Variants in ZC2HC1B observed in about 807,000 individuals in gnomAD.
ZC2HC1B encodes zinc finger C2HC-type containing 1B, also known as zinc finger C2HC domain-containing protein 1B.
Under a neutral mutation model 31.0 loss-of-function variants are expected in ZC2HC1B, and 36 were observed. The observed-to-expected ratio is 1.16, with a 90% confidence interval of 0.89 to 1.54. The LOEUF is 1.54. Ranked by LOEUF, ZC2HC1B falls within the 40% of genes most tolerant of loss-of-function variation. The pLI is 0.00. For synonymous variants in ZC2HC1B, 73 were observed against 88.0 expected, an observed-to-expected ratio of 0.83 and a Z score of 0.95; for missense variants, 260 against 268.6, an observed-to-expected ratio of 0.97 and a Z score of 0.22.
rs1187536735 is a variant in ZC2HC1B at position 143,917,659 on chromosome 6, G to A, written c.598+14507G>A. ...TGCTCCAACATCTGAAACTTTTTGA[G>A]CACTGACATGACATGCAATTGATTT... On this transcript the variant is annotated intron_variant, in intron 6 of 7. Coordinates refer to ENST00000237275, the MANE Select transcript of ZC2HC1B (RefSeq NM_001013623.3). This position sits in a 1 kb window ranked among gnomAD's most constrained non-coding sequence, Gnocchi z 4.1. Among the ~76,000 whole-genome samples the A allele has an allele frequency of 2.6e-5, 4 of 152,088 alleles. No individual in the cohort carries two copies. Among genetic ancestry groups the A allele is most frequent in the Non-Finnish European group, 4.4e-5 (3 of 68,036 alleles).
chr6:143,873,756 C>T (rs1777373772), intron 1 of ZC2HC1B, among the ~76,000 whole-genome samples: 1 of 152,240 alleles, frequency 6.6e-6, no homozygotes, highest in African/African-American at 2.4e-5. Context: ...CACAGGGCAC[C>T]AAGTCCCTAG....
At chr6:143,925,536 C>CTTTTTTT (rs36007959) in intron 6 of ZC2HC1B, among the ~76,000 whole-genome samples, 3 of 104,958 alleles carry the variant, frequency 2.9e-5, no homozygotes, top group African/African-American at 1.1e-4. Context: ...CTTTTCTTTT[C>CTTTTTTT]TTTTTTTTTT....
At chr6:143,928,469 A>G (rs930809978) in intron 6 of ZC2HC1B, among the ~76,000 whole-genome samples, 2 of 152,150 alleles carry the variant, frequency 1.3e-5, no homozygotes, top group Admixed American at 6.5e-5. Context: ...CTGTTGATCT[A>G]TATGTCTATG....
In ZC2HC1B at chr6:143,870,100, A is replaced by G. The variant is rs6922235; in HGVS notation, c.28+5533A>G. On this transcript the variant is annotated intron_variant, in intron 1 of 7. Coordinates refer to ENST00000237275, the MANE Select transcript of ZC2HC1B (RefSeq NM_001013623.3). This position sits in a 1 kb window ranked among gnomAD's most constrained non-coding sequence, Gnocchi z 4.7. Reference sequence around the variant, plus strand: ...CCAATTTTCCAATCATGCTTCTTCCAAGTCCCTGACTATCCAGCCAAACTA... The same window carrying G: ...CCAATTTTCCAATCATGCTTCTTCCGAGTCCCTGACTATCCAGCCAAACTA... Among the ~76,000 whole-genome samples the G allele has an allele frequency of 0.02, 3,059 of 152,276 alleles. 124 individuals carry two copies. The highest frequency in any genetic ancestry group is 0.071 in the African/African-American group (2,948 of 41,530).
At position 143,886,546 on chromosome 6, in the gene ZC2HC1B, A is replaced by G. The variant is rs555244725; in HGVS notation, c.211-137A>G. On this transcript the variant is annotated intron_variant, in intron 3 of 7. Coordinates refer to ENST00000237275, the MANE Select transcript of ZC2HC1B (RefSeq NM_001013623.3). This position sits in a 1 kb window ranked among gnomAD's most constrained non-coding sequence, Gnocchi z 4.2. ...TACTTTCCAAACCTCTTTAAGGAGT[A>G]CTTTTGAAAAACAAACTCTCCTTTT... 277 of 864,458 alleles carry G rather than the reference A, an allele frequency of 3.2e-4. No individual in the cohort carries two copies. Among genetic ancestry groups the G allele is most frequent in the Admixed American group, 8.8e-4 (22 of 25,064 alleles). 53.5% of individuals were successfully genotyped at this position (864,458 alleles called of 1,614,324 possible). A position where few individuals can be genotyped will look rare whatever the true frequency, so the allele number is the denominator to read the frequency against.
intron 1 of ZC2HC1B, chr6:143,881,888 T>C (rs563793227): frequency 1.4e-4 from 22 of 152,312 alleles, no homozygotes; most frequent in African/African-American, 4.8e-4. Flanking sequence ...ATCATTTGTA[T>C]CTGTCAGTAT....
rs1177961894 is a variant in ZC2HC1B, at chr6:143,885,475, T to A, written c.91-557T>A. Among the ~76,000 whole-genome samples the A allele has an allele frequency of 6.6e-6, 1 of 152,240 alleles. No individual in the cohort carries two copies. The highest frequency in any genetic ancestry group is 2.4e-5 in the African/African-American group (1 of 41,466). Reference sequence around the variant, plus strand: ...CTATGGAGGGCATTGATCAAATGATTTGATCTTTCTCTCTCCTTTAGCTTA... The same window carrying A: ...CTATGGAGGGCATTGATCAAATGATATGATCTTTCTCTCTCCTTTAGCTTA... On this transcript the variant is annotated intron_variant, in intron 2 of 7. Coordinates refer to ENST00000237275, the MANE Select transcript of ZC2HC1B (RefSeq NM_001013623.3). This position sits in a 1 kb window ranked among gnomAD's most constrained non-coding sequence, Gnocchi z 4.2.
chr6:143,882,250 G>C lies in ZC2HC1B; in HGVS notation c.29-2054G>C, dbSNP rs190954764. 3.3e-3 allele frequency among the ~76,000 whole-genome samples: 496 copies of C among 149,966 alleles called. 1 individual carries two copies. Among genetic ancestry groups the C allele is most frequent in the Non-Finnish European group, 5.4e-3 (367 of 67,738 alleles). On this transcript the variant is annotated intron_variant, in intron 1 of 7. Transcript: ENST00000237275. ...TTATCCTTCACTAGTGTTTTAGAAA[G>C]AGCAGCAGTAGTTTTATAATCAAGA...
chr6:143,930,575 G>A (rs925640612), intron 6 of ZC2HC1B, among the ~76,000 whole-genome samples: 1 of 151,788 alleles, frequency 6.6e-6, no homozygotes, highest in African/African-American at 2.4e-5. Flanking sequence ...ATTTTTAGTA[G>A]AGACGGGATT....
intron 4 of ZC2HC1B, among the ~76,000 whole-genome samples, chr6:143,890,338 T>C (rs1777584566): frequency 6.8e-6 from 1 of 147,556 alleles, no homozygotes; most frequent in Non-Finnish European, 1.5e-5. Flanking sequence ...TATGATCATC[T>C]CAATAGAGAA....
At chr6:143,866,074 C>G (rs1582946770) in intron 1 of ZC2HC1B, among the ~76,000 whole-genome samples, 1 of 152,320 alleles carries the variant, frequency 6.6e-6, no homozygotes, top group African/African-American at 2.4e-5. Flanking sequence ...CTCGGCCTCC[C>G]AAAGTGCTGG....
chr6:143,885,450 C>A lies in ZC2HC1B; in HGVS notation c.91-582C>A, dbSNP rs560983381. 1.3e-5 allele frequency among the ~76,000 whole-genome samples: 2 copies of A among 152,290 alleles called. No homozygotes were observed. The highest frequency in any genetic ancestry group is 4.1e-4 in the South Asian group (2 of 4,826). ...TTCATTTCCTAAGCCTATTTCTAGG[C>A]TATGGAGGGCATTGATCAAATGATT... On this transcript the variant is annotated intron_variant, in intron 2 of 7. Transcript: ENST00000237275. The surrounding 1 kb of genome is among the most constrained non-coding windows in gnomAD (Gnocchi z 4.2).
In ZC2HC1B at chr6:143,905,198, A is replaced by G. The variant is rs911910539; in HGVS notation, c.598+2046A>G. On this transcript the variant is annotated intron_variant, in intron 6 of 7. Transcript: ENST00000237275. This position sits in a 1 kb window ranked among gnomAD's most constrained non-coding sequence, Gnocchi z 4.2. Reference sequence around the variant, plus strand: ...CAATAGTAAGTTTTCAAATCCATGAACATGGAATATATTTCTGTTTATTTA... The same window carrying G: ...CAATAGTAAGTTTTCAAATCCATGAGCATGGAATATATTTCTGTTTATTTA... Among the ~76,000 whole-genome samples, 1 of 152,234 alleles carries G rather than the reference A, an allele frequency of 6.6e-6. No homozygotes were observed. Among genetic ancestry groups the G allele is most frequent in the Non-Finnish European group, 1.5e-5 (1 of 68,038 alleles).
In ZC2HC1B at chr6:143,918,205, G is replaced by A. The variant is rs922648512; in HGVS notation, c.598+15053G>A. On this transcript the variant is annotated intron_variant, in intron 6 of 7. Coordinates refer to ENST00000237275, the MANE Select transcript of ZC2HC1B (RefSeq NM_001013623.3). The surrounding 1 kb of genome is among the most constrained non-coding windows in gnomAD (Gnocchi z 4.1). Reference sequence around the variant, plus strand: ...GGTAAGAGACAGGATCTTACTTGTTGCCCAGGCTGAACTCAAGCTCCTGGG... The same window carrying A: ...GGTAAGAGACAGGATCTTACTTGTTACCCAGGCTGAACTCAAGCTCCTGGG... 6.6e-6 allele frequency among the ~76,000 whole-genome samples: 1 copy of A among 151,948 alleles called. No individual in the cohort carries two copies. The highest frequency in any genetic ancestry group is 1.5e-5 in the Non-Finnish European group (1 of 68,016).
chr6:143,919,530 T>C (rs764713347), intron 6 of ZC2HC1B, among the ~76,000 whole-genome samples: 1 of 152,148 alleles, frequency 6.6e-6, no homozygotes, highest in African/African-American at 2.4e-5. Flanking sequence ...ACAACAATGA[T>C]GGGAGGTACA....
At position 143,887,114 on chromosome 6, in the gene ZC2HC1B, A is replaced by G. The variant is rs1000182367; in HGVS notation, c.349+293A>G. Among the ~76,000 whole-genome samples, 19 of 151,574 alleles carry G rather than the reference A, an allele frequency of 1.3e-4. No homozygotes were observed. Among genetic ancestry groups the G allele is most frequent in the African/African-American group, 3.6e-4 (15 of 41,194 alleles). The stretch of plus-strand genomic sequence containing the variant: ...GGAGCTATGCAGAGCAAACTAACCA[A>G]CTCTGCAACAGCCCCATCGTGTCAG... On this transcript the variant is annotated intron_variant, in intron 4 of 7. Coordinates refer to ENST00000237275, the MANE Select transcript of ZC2HC1B (RefSeq NM_001013623.3). The surrounding 1 kb of genome is among the most constrained non-coding windows in gnomAD (Gnocchi z 5.1).
intron 6 of ZC2HC1B, among the ~76,000 whole-genome samples, chr6:143,928,762 A>G (rs1209380427): frequency 6.7e-6 from 1 of 149,038 alleles, no homozygotes; most frequent in African/African-American, 2.5e-5. Flanking sequence ...ACTCTCTTTC[A>G]TCAGTATTTT....
intron 4 of ZC2HC1B, among the ~76,000 whole-genome samples, chr6:143,894,225 A>G (rs571687217): frequency 6.6e-6 from 1 of 152,358 alleles, no homozygotes; most frequent in Admixed American, 6.5e-5. Flanking sequence ...GAGGAAATAC[A>G]TGCAGCAACA....
At chr6:143,920,244 AT>A in intron 6 of ZC2HC1B, among the ~76,000 whole-genome samples, 1 of 152,318 alleles carries the variant, frequency 6.6e-6, no homozygotes, top group East Asian at 1.9e-4. Flanking sequence ...AGTTATAAGG[AT>A]TAGATAACAA....
Sources: allele counts gnomAD v4.1 joint callset (sites outside exome capture counted in the v4.1 genomes callset), GRCh38; gene constraint gnomAD v4.1.1; non-coding constraint Gnocchi (gnomAD v3.1); transcripts MANE v1.5; gene names NCBI Gene and HGNC (gene_info 2026-07-23, HGNC 2026-07-21).